The following WDFY2 variants were observed in gnomAD, a reference collection of about 807,000 sequenced individuals.
The protein encoded by WDFY2 is WD repeat and FYVE domain-containing protein 2.
WDFY2 carries 36 observed loss-of-function variants against 56.4 expected under a neutral mutation model. The observed-to-expected ratio is 0.64, with a 90% CI of 0.49 to 0.84. WDFY2 has a LOEUF of 0.84. WDFY2 is among the 40% of genes least tolerant of loss of function. WDFY2 has a pLI of 0.00. For missense variants in WDFY2, 444 were observed against 512.2 expected (o/e 0.87, Z 1.29); for synonymous variants, 176 against 183.7 (o/e 0.96, Z 0.34).
At chr13:51,701,067 A>C (rs924196694) in intron 3 of WDFY2, among the ~76,000 whole-genome samples, 1 of 152,260 alleles carries the variant, frequency 6.6e-6, no homozygotes, top group Non-Finnish European at 1.5e-5. Flanking sequence ...CTGTGAAAAG[A>C]AAACAGCATT....
At chr13:51,699,119 A>T (rs944384119) in intron 3 of WDFY2, among the ~76,000 whole-genome samples, 9 of 152,230 alleles carry the variant, frequency 5.9e-5, no homozygotes, top group African/African-American at 1.7e-4. Flanking sequence ...CTACTTCTGA[A>T]TTACATGAAG....
chr13:51,668,464 T>C (rs1955751474), intron 2 of WDFY2, among the ~76,000 whole-genome samples: 1 of 152,234 alleles, frequency 6.6e-6, no homozygotes, highest in African/African-American at 2.4e-5. Flanking sequence ...GATTTAGATG[T>C]AAAATACTTT....
intron 1 of WDFY2, among the ~76,000 whole-genome samples, chr13:51,595,571 T>C (rs76737612): frequency 4.6e-5 from 7 of 152,156 alleles, no homozygotes; most frequent in African/African-American, 1.7e-4. Context: ...GGTGAAGATA[T>C]GCTGCCATGG....
chr13:51,705,292 G>A (rs1952060395), intron 4 of WDFY2, among the ~76,000 whole-genome samples: 1 of 152,172 alleles, frequency 6.6e-6, no homozygotes, highest in African/African-American at 2.4e-5. Context: ...TCCATCCTGT[G>A]AGAGACTTTT....
At chr13:51,644,496 C>T (rs1477001874) in intron 1 of WDFY2, among the ~76,000 whole-genome samples, 2 of 152,202 alleles carry the variant, frequency 1.3e-5, no homozygotes, top group Non-Finnish European at 2.9e-5. Flanking sequence ...AAGGCTTTCA[C>T]AGCCTTTGGA....
chr13:51,633,713 C>A (rs1954996508), intron 1 of WDFY2, among the ~76,000 whole-genome samples: 1 of 152,176 alleles, frequency 6.6e-6, no homozygotes, highest in Non-Finnish European at 1.5e-5. Context: ...GAGTCACATG[C>A]ATCATCTTGA....
In WDFY2 at chr13:51,695,510, C is replaced by T. The variant is rs552273185; in HGVS notation, c.280-8086C>T. On this transcript the variant is annotated intron_variant, in intron 3 of 11. Transcript: ENST00000298125. ...TGGAGAACAGCGGATTTTCATGAAC[C>T]GGGAATGCTGCTGTCTGATCATTCC... Among the ~76,000 whole-genome samples the T allele has an allele frequency of 3.9e-5, 6 of 152,268 alleles. No individual in the cohort carries two copies. The South Asian group carries it at 6.2e-4, about 16-fold the overall frequency.
chr13:51,610,876 G>A (rs370801639), intron 1 of WDFY2, among the ~76,000 whole-genome samples: 11 of 152,314 alleles, frequency 7.2e-5, no homozygotes, highest in Middle Eastern at 3.4e-3. Flanking sequence ...CATTCATCTG[G>A]AATTGGGGGG....
At position 51,660,653 on chromosome 13, in the gene WDFY2, T is replaced by G. The variant is rs1385278099; in HGVS notation, c.195T>G (p.His65Gln). 1 of 1,613,808 alleles carries G rather than the reference T, an allele frequency of 6.2e-7. No homozygotes were observed. Among genetic ancestry groups the G allele is most frequent in the African/African-American group, 1.3e-5 (1 of 75,048 alleles). The change falls in exon 2 of 12, where the codon CAT becomes CAG. Residue 65 changes from histidine (H) to glutamine (Q), a missense_variant. By Grantham distance (24) the His-to-Gln change is conservative. Transcript: ENST00000298125. Reference sequence around the variant, plus strand: ...GACAGTATTGGCCAAGCGTATACCATGCAATGCCTTGTAAGTATCCAAATC... The same window carrying G: ...GACAGTATTGGCCAAGCGTATACCAGGCAATGCCTTGTAAGTATCCAAATC... ...DSGQYWPSVY[H>Q]AMPSPCSCMS...
chr13:51,719,221 A>G lies in WDFY2; in HGVS notation c.358A>G (p.Ile120Val), dbSNP rs1327311258. The part of the protein sequence containing the change: ...YQAHQSRVTM[I>V]LFVLELEWVL... ...AGCGCATCAGAGCAGAGTGACGATGATCCTGTTTGTCCTGGAGCTGGAGTG... is the reference window on the plus strand; with the variant it reads ...AGCGCATCAGAGCAGAGTGACGATGGTCCTGTTTGTCCTGGAGCTGGAGTG... The change falls in exon 5 of 12, where the codon ATC becomes GTC. Residue 120 changes from isoleucine to valine, a missense_variant. Coordinates refer to ENST00000298125, the MANE Select transcript of WDFY2 (RefSeq NM_052950.4). The G allele has an allele frequency of 6.2e-7, 1 of 1,614,162 alleles. No individual in the cohort carries two copies. Among genetic ancestry groups the G allele is most frequent in the African/African-American group, 1.3e-5 (1 of 75,026 alleles).
intron 1 of WDFY2, among the ~76,000 whole-genome samples, chr13:51,637,404 A>AT (rs908438019): frequency 1.5e-3 from 216 of 146,648 alleles, no homozygotes; most frequent in Middle Eastern, 0.01. Flanking sequence ...GTTTGAAATA[A>AT]TTTTTTTTTT....
chr13:51,728,334 C>CTT lies in WDFY2; in HGVS notation c.598+546_598+547dup, dbSNP rs141983961. On this transcript the variant is annotated intron_variant, in intron 6 of 11. Transcript: ENST00000298125. ...ACCTAAGGTCCCCTTTATGTTTTTGCTTTGCTCAGGGTCACTTAAGCAAGG... is the reference window on the plus strand; with the variant it reads ...ACCTAAGGTCCCCTTTATGTTTTTGCTTTTTGCTCAGGGTCACTTAAGCAAGG... 8.5e-3 allele frequency among the ~76,000 whole-genome samples: 1,295 copies of CTT among 152,274 alleles called. 15 individuals are homozygous for CTT. The highest frequency in any genetic ancestry group is 0.029 in the African/African-American group (1,222 of 41,542).
At chr13:51,676,784 T>C (rs1955895175) in intron 3 of WDFY2, among the ~76,000 whole-genome samples, 1 of 152,178 alleles carries the variant, frequency 6.6e-6, no homozygotes, top group Non-Finnish European at 1.5e-5. Context: ...GGAGAGCCAT[T>C]TTTAAAAGGA....
chr13:51,692,830 C>T (rs1180383457), intron 3 of WDFY2, among the ~76,000 whole-genome samples: 3 of 152,050 alleles, frequency 2.0e-5, no homozygotes, highest in Non-Finnish European at 4.4e-5. Context: ...GTCCTGGATT[C>T]TTTTTGGTTG....
At position 51,659,344 on chromosome 13, in the gene WDFY2, C is replaced by T. The variant is rs531454729; in HGVS notation, c.138-1252C>T. 1.6e-4 allele frequency among the ~76,000 whole-genome samples: 24 copies of T among 152,320 alleles called. 1 individual carries two copies. The South Asian group carries it at 1.9e-3, about 12-fold the overall frequency. ...AATAGTATCTTTAGGAAGTATCCAA[C>T]TCTCTCTGAGATAAAAGTGCTCAGT... On this transcript the variant is annotated intron_variant, in intron 1 of 11. Coordinates refer to ENST00000298125, the MANE Select transcript of WDFY2 (RefSeq NM_052950.4).
At chr13:51,708,147 G>T (rs1029424295) in intron 4 of WDFY2, among the ~76,000 whole-genome samples, 1 of 151,376 alleles carries the variant, frequency 6.6e-6, no homozygotes, top group Non-Finnish European at 1.5e-5. Context: ...TTCCCAAAGT[G>T]CTGGGATTAC....
intron 1 of WDFY2, among the ~76,000 whole-genome samples, chr13:51,632,440 A>G (rs986420749): frequency 6.6e-5 from 10 of 152,018 alleles, no homozygotes; most frequent in South Asian, 2.1e-4. Flanking sequence ...TTGATCTTCT[A>G]CCATTCAGGT....
intron 4 of WDFY2, among the ~76,000 whole-genome samples, chr13:51,717,861 C>T (rs1045115864): frequency 3.9e-5 from 6 of 152,132 alleles, no homozygotes; most frequent in African/African-American, 1.4e-4. Flanking sequence ...GCTCTTAAAG[C>T]ATCAGGCATT....
At chr13:51,619,168 C>CTATTATTCTTCATAA (rs1555304482) in intron 1 of WDFY2, among the ~76,000 whole-genome samples, 9 of 152,086 alleles carry the variant, frequency 5.9e-5, no homozygotes. Flanking sequence ...ATAAAGAACT[C>CTATTATTCTTCATAA]GAGGCTGCAT....
Sources: allele counts gnomAD v4.1 joint callset (sites outside exome capture counted in the v4.1 genomes callset), GRCh38; gene constraint gnomAD v4.1.1; transcripts MANE v1.5; gene names NCBI Gene and HGNC (gene_info 2026-07-23, HGNC 2026-07-21).